ARHGAP39: variants seen among roughly 807,000 people sequenced by gnomAD.
ARHGAP39 encodes Rho GTPase activating protein 39, also known as rho GTPase-activating protein 39.
Under a neutral mutation model 106.9 loss-of-function variants are expected in ARHGAP39, and 44 were observed. That is an observed-to-expected ratio of 0.41 (90% confidence interval 0.32 to 0.53). The LOEUF (loss-of-function observed/expected upper bound fraction) is 0.53. Among genes scored for constraint, ARHGAP39 ranks in the 20% least tolerant of loss-of-function variants. ARHGAP39 has a pLI of 0.21. For missense variants in ARHGAP39, 1,496 were observed against 1,577.3 expected (o/e 0.95, Z 0.87); for synonymous variants, 768 against 693.2 (o/e 1.11, Z -1.69).
chr8:144,693,921 G>A, the ARHGAP39 span, among the ~76,000 whole-genome samples: 2 of 152,176 alleles, frequency 1.3e-5, no homozygotes, highest in African/African-American at 4.8e-5. Flanking sequence ...TCAGGCAAAG[G>A]GGGGAGGGAG....
intron 2 of ARHGAP39, among the ~76,000 whole-genome samples, chr8:144,600,259 CGTGGGG>C (rs1163695342): frequency 8.0e-6 from 1 of 125,354 alleles, no homozygotes; most frequent in Non-Finnish European, 1.6e-5. Context: ...TGTGCGTGTG[CGTGGGG>C]GTGTCTGTGT....
Position 144,641,239 on chromosome 8 carries a change from C to T in ARHGAP39, c.-81-35544G>A, listed in dbSNP as rs544945465. The stretch of plus-strand genomic sequence containing the variant: ...TATGACATCTGGGACCCTGGGGCAC[C>T]GGTCTCTGGCCCTCAAGGCACCAGA... On this transcript the variant is annotated intron_variant, in intron 1 of 11. Transcript: ENST00000377307. The surrounding 1 kb of genome is among the most constrained non-coding windows in gnomAD (Gnocchi z 5.2). Among the ~76,000 whole-genome samples, 26 of 152,170 alleles carry T rather than the reference C, an allele frequency of 1.7e-4. No individual in the cohort carries two copies. In the South Asian group the frequency reaches 4.0e-3, roughly 23 times the overall value.
chr8:144,609,556 T>G (rs11990069), intron 1 of ARHGAP39, among the ~76,000 whole-genome samples: 1 of 151,806 alleles, frequency 6.6e-6, no homozygotes, highest in African/African-American at 2.4e-5. Context: ...CACCCACCAC[T>G]ATGCCCAGCT....
chr8:144,698,423 G>C, the ARHGAP39 span, among the ~76,000 whole-genome samples: 2 of 152,174 alleles, frequency 1.3e-5, no homozygotes, highest in South Asian at 4.1e-4. Context: ...CATAGACTTA[G>C]ACAAGCTTAC....
chr8:144,665,866 G>A (rs1301699719), intron 1 of ARHGAP39, among the ~76,000 whole-genome samples: 2 of 152,206 alleles, frequency 1.3e-5, no homozygotes, highest in African/African-American at 4.8e-5. Flanking sequence ...CTGGGGCATG[G>A]CCTAGTGGAT....
intron 1 of ARHGAP39, chr8:144,683,234 G>C (rs1168035184): frequency 6.6e-6 from 1 of 151,340 alleles, no homozygotes; most frequent in Non-Finnish European, 1.5e-5. Context: ...AGAATGGCAT[G>C]AACCCAGGAG....
Position 144,581,136 on chromosome 8 carries a change from G to A in ARHGAP39, c.222C>T (p.Asp74=). The change falls in exon 3 of 12, where the codon GAC becomes GAT. Residue 74 remains aspartate, a synonymous_variant. Transcript: ENST00000377307. ...AGTAGTAGAAGCGGGACGTGTTGGG[G>A]TCGAACAGCTCCCACCACTGGTTCT... ...TSENQWWELF[D]PNTSRFYYYN... The A allele has an allele frequency of 6.3e-7, 1 of 1,586,822 alleles. No individual in the cohort carries two copies. The highest frequency in any genetic ancestry group is 2.3e-5 in the East Asian group (1 of 43,834).
chr8:144,672,032 T>C (rs1263602200), intron 1 of ARHGAP39, among the ~76,000 whole-genome samples: 1 of 152,242 alleles, frequency 6.6e-6, no homozygotes, highest in Non-Finnish European at 1.5e-5. Flanking sequence ...ACGCCGTCTG[T>C]GATTCCGGCA....
chr8:144,687,701 C>T (rs1451826809), upstream of ARHGAP39, among the ~76,000 whole-genome samples: 1 of 129,358 alleles, frequency 7.7e-6, no homozygotes, highest in Admixed American at 8.0e-5. Context: ...CGTGACCACA[C>T]ACTAGCGGTG....
chr8:144,584,561 G>C (rs1407808541), intron 2 of ARHGAP39, among the ~76,000 whole-genome samples: 1 of 152,150 alleles, frequency 6.6e-6, no homozygotes, highest in East Asian at 1.9e-4. Context: ...TCAGGAGTTT[G>C]AGATCAGCCT....
chr8:144,583,391 G>T (rs1289869079), intron 2 of ARHGAP39, among the ~76,000 whole-genome samples: 1 of 152,258 alleles, frequency 6.6e-6, no homozygotes, highest in Non-Finnish European at 1.5e-5. Flanking sequence ...CGCACGCATT[G>T]TGGGGTGAGC....
At chr8:144,554,484 G>A (rs1817840223) in intron 4 of ARHGAP39, among the ~76,000 whole-genome samples, 1 of 152,044 alleles carries the variant, frequency 6.6e-6, no homozygotes, top group African/African-American at 2.4e-5. Context: ...GCAGAGCTGA[G>A]GCAGTGCTTG....
At chr8:144,648,475 G>T (rs992972023) in intron 1 of ARHGAP39, among the ~76,000 whole-genome samples, 1 of 152,188 alleles carries the variant, frequency 6.6e-6, no homozygotes, top group African/African-American at 2.4e-5. Context: ...ACTACTGAAG[G>T]GCTCGTTCCA....
In ARHGAP39 at chr8:144,530,083, G is replaced by C. The variant is rs1418841668; in HGVS notation, c.*339C>G. The C allele has an allele frequency of 9.9e-6, 3 of 301,548 alleles. No homozygotes were observed. The highest frequency in any genetic ancestry group is 1.5e-4 in the East Asian group (2 of 13,608). The allele number at this position is 301,548 out of a possible 1,614,324, so 18.7% of individuals were successfully genotyped here. A position where few individuals can be genotyped will look rare whatever the true frequency, so the allele number is the denominator to read the frequency against. Reference sequence around the variant, plus strand: ...CAGGCCAGGGCGCGCAGGAGCCACAGGGAGGCAGCCCGGCCCCAAGGAGGC... The same window carrying C: ...CAGGCCAGGGCGCGCAGGAGCCACACGGAGGCAGCCCGGCCCCAAGGAGGC... On this transcript the variant is annotated 3_prime_UTR_variant, in exon 12 of 12. Transcript: ENST00000377307.
intron 1 of ARHGAP39, among the ~76,000 whole-genome samples, chr8:144,676,769 A>G (rs937591185): frequency 5.3e-5 from 8 of 152,182 alleles, no homozygotes; most frequent in Admixed American, 4.6e-4. Flanking sequence ...CCTCTCTGCG[A>G]GCAGAGGGAG....
At chr8:144,691,949 C>G in the ARHGAP39 span, among the ~76,000 whole-genome samples, 55 of 152,104 alleles carry the variant, frequency 3.6e-4, 1 homozygote, top group East Asian at 0.01. Flanking sequence ...CTGTCCTAAA[C>G]CGATTCAAGG....
chr8:144,546,038 AG>A (rs1817406702), intron 5 of ARHGAP39, among the ~76,000 whole-genome samples: 2 of 152,180 alleles, frequency 1.3e-5, no homozygotes, highest in Admixed American at 6.5e-5. Context: ...AGGGTGTGGC[AG>A]GGCAGCCTGC....
rs1044181239 is a variant in ARHGAP39, at chr8:144,641,244, T to C, written c.-81-35549A>G. 6.6e-6 allele frequency among the ~76,000 whole-genome samples: 1 copy of C among 152,074 alleles called. No homozygotes were observed. The highest frequency in any genetic ancestry group is 2.4e-5 in the African/African-American group (1 of 41,402). On this transcript the variant is annotated intron_variant, in intron 1 of 11. Coordinates refer to ENST00000377307, the MANE Select transcript of ARHGAP39 (RefSeq NM_025251.3). This position sits in a 1 kb window ranked among gnomAD's most constrained non-coding sequence, Gnocchi z 5.2. ...CATCTGGGACCCTGGGGCACCGGTCTCTGGCCCTCAAGGCACCAGAGGACG... is the reference window on the plus strand; with the variant it reads ...CATCTGGGACCCTGGGGCACCGGTCCCTGGCCCTCAAGGCACCAGAGGACG...
At chr8:144,678,861 G>T (rs1822311416) in intron 1 of ARHGAP39, among the ~76,000 whole-genome samples, 1 of 152,178 alleles carries the variant, frequency 6.6e-6, no homozygotes, top group Non-Finnish European at 1.5e-5. Context: ...ATGTGGCAGA[G>T]ACAGGGGAGT....
Sources: allele counts gnomAD v4.1 joint callset (sites outside exome capture counted in the v4.1 genomes callset), GRCh38; gene constraint gnomAD v4.1.1; non-coding constraint Gnocchi (gnomAD v3.1); transcripts MANE v1.5; gene names NCBI Gene and HGNC (gene_info 2026-07-23, HGNC 2026-07-21).